The following EXOSC8 variants were observed in gnomAD, a reference collection of about 807,000 sequenced individuals.
EXOSC8 encodes exosome complex component RRP43.
A neutral mutation model predicts 39.9 loss-of-function variants in EXOSC8; 37 were observed. The ratio of observed to expected loss-of-function variants is 0.93; its 90% CI spans 0.71 to 1.22. The LOEUF is 1.22. EXOSC8 is among the 50% of genes most tolerant of loss of function. EXOSC8 has a pLI of 0.00. For synonymous variants in EXOSC8, 93 were observed against 109.5 expected (o/e 0.85, Z 0.94); for missense variants, 313 against 326.6 (o/e 0.96, Z 0.32).
chr13:37,005,146 AGTCAAAGAACT>A (rs894610634), intron 5 of EXOSC8, among the ~76,000 whole-genome samples: 1 of 151,994 alleles, frequency 6.6e-6, no homozygotes, highest in Non-Finnish European at 1.5e-5. Context: ...AATTTTTTTA[AGTCAAAGAACT>A]GTCATTGCAC....
chr13:37,004,225 C>G, intron 4 of EXOSC8: 1 of 274,192 alleles, frequency 3.6e-6, no homozygotes, highest in African/African-American at 2.2e-5. Context: ...GCTCTATCAT[C>G]TGGAGAACAA....
chr13:37,002,537 C>G lies in EXOSC8; in HGVS notation c.104C>G (p.Thr35Arg), dbSNP rs1481881577. 1 of 1,590,528 alleles carries G rather than the reference C, an allele frequency of 6.3e-7. No homozygotes were observed. Residue 35 changes from threonine to arginine, a missense_variant, in exon 3 of 11, where the codon ACA becomes AGA. Transcript: ENST00000389704. Reference protein sequence around the residue: ...DGRELGEFRTTTVNIGSISTA... With the variant: ...DGRELGEFRTRTVNIGSISTA... The stretch of plus-strand genomic sequence containing the variant: ...AGAGAACTTGGTGAATTCAGAACCA[C>G]AACTGTCAACATCGGTAAGGATGTA...
rs753906540 is a variant in EXOSC8 at position 37,009,174 on chromosome 13, A to T, written c.716-10A>T. 6.4e-7 allele frequency: 1 copy of T among 1,563,562 alleles called. No individual in the cohort carries two copies. The highest frequency in any genetic ancestry group is 2.2e-5 in the East Asian group (1 of 44,596). On this transcript the variant is annotated splice_polypyrimidine_tract_variant and intron_variant, in intron 10 of 10. Coordinates refer to ENST00000389704, the MANE Select transcript of EXOSC8 (RefSeq NM_181503.3). ...CTGAGATTAAAAGTATTGGCAAAATAATTTTTCAGGTGGAAGTGGGCTAAC... is the reference window on the plus strand; with the variant it reads ...CTGAGATTAAAAGTATTGGCAAAATTATTTTTCAGGTGGAAGTGGGCTAAC...
In EXOSC8 at chr13:37,009,316, C is replaced by CA. The variant is rs1486954786; in HGVS notation, c.*21dup. On this transcript the variant is annotated 3_prime_UTR_variant, in exon 11 of 11. Transcript: ENST00000389704. ...CCCAAATAAACAGCCACCACATTTT[C>CA]AAAACAGATTTGTAAAAATTGTATT... The CA allele has an allele frequency of 1.4e-6, 2 of 1,401,276 alleles. No individual in the cohort carries two copies. The highest frequency in any genetic ancestry group is 2.3e-5 in the South Asian group (2 of 85,298). 86.8% of individuals were successfully genotyped at this position (1,401,276 alleles called of 1,614,324 possible). A position where few individuals can be genotyped will look rare whatever the true frequency, so the allele number is the denominator to read the frequency against.
chr13:37,006,592 T>G (rs1429981497), intron 7 of EXOSC8, among the ~76,000 whole-genome samples: 1 of 152,150 alleles, frequency 6.6e-6, no homozygotes, highest in Non-Finnish European at 1.5e-5. Flanking sequence ...ACTGATACAT[T>G]AGCACTGTAA....
chr13:37,001,200 G>A (rs910621305), intron 1 of EXOSC8, among the ~76,000 whole-genome samples: 2 of 152,196 alleles, frequency 1.3e-5, no homozygotes, highest in South Asian at 4.1e-4. Flanking sequence ...CCTGACGTCA[G>A]GAGTTCGAGA....
chr13:37,006,364 C>T (rs1324689615), intron 7 of EXOSC8, among the ~76,000 whole-genome samples: 4 of 152,162 alleles, frequency 2.6e-5, no homozygotes, highest in Non-Finnish European at 5.9e-5. Flanking sequence ...GTTTGACTAA[C>T]TTACTGCCTG....
chr13:37,003,330 G>GC, intron 4 of EXOSC8: 1 of 227,118 alleles, frequency 4.4e-6, no homozygotes, highest in Non-Finnish European at 8.6e-6. Context: ...CTGTGTAAAT[G>GC]TGTAGAAAAT....
Position 37,004,185 on chromosome 13 carries a change from T to G in EXOSC8, c.193-331T>G, listed in dbSNP as rs558334873. 16 of 201,444 alleles carry G rather than the reference T, an allele frequency of 7.9e-5. 2 individuals carry two copies. The South Asian group carries it at 2.2e-3, about 28-fold the overall frequency. The allele number at this position is 201,444 out of a possible 1,614,324, so 12.5% of individuals were successfully genotyped here. A position where few individuals can be genotyped will look rare whatever the true frequency, so the allele number is the denominator to read the frequency against. On this transcript the variant is annotated intron_variant, in intron 4 of 10. Coordinates refer to ENST00000389704, the MANE Select transcript of EXOSC8 (RefSeq NM_181503.3). Reference sequence around the variant, plus strand: ...CCGCGCCCAGCTGAGCTTTTGCTCTTTACCACTAAAGCAGCAGTTCCTAAA... The same window carrying G: ...CCGCGCCCAGCTGAGCTTTTGCTCTGTACCACTAAAGCAGCAGTTCCTAAA...
intron 10 of EXOSC8, 113 bp from the exon 11 acceptor site, chr13:37,009,071 G>C: frequency 1.3e-6 from 1 of 747,664 alleles, no homozygotes; most frequent in South Asian, 1.7e-5. Context: ...TCTTGAGACT[G>C]TACCCTGATT....
At chr13:37,005,539 T>C (rs1482796270) in intron 5 of EXOSC8, among the ~76,000 whole-genome samples, 5 of 152,084 alleles carry the variant, frequency 3.3e-5, no homozygotes, top group Admixed American at 2.6e-4. Flanking sequence ...TTACTGTGGA[T>C]TGATAATACC....
At chr13:37,000,999 C>T (rs1040337511) in intron 1 of EXOSC8, among the ~76,000 whole-genome samples, 177 bp downstream of exon 1, 19 of 152,304 alleles carry the variant, frequency 1.2e-4, no homozygotes, top group African/African-American at 3.8e-4. Flanking sequence ...AAAGAAAGGG[C>T]TTCTTCCTCA....
intron 4 of EXOSC8, 48 bp from the exon 5 acceptor site, chr13:37,004,468 A>G (rs762590687): frequency 1.4e-6 from 2 of 1,394,070 alleles, no homozygotes; most frequent in Non-Finnish European, 1.0e-6. Flanking sequence ...TGTCTTCATA[A>G]TTTTTCAGTA....
At chr13:37,001,814 T>C (rs1399111814) in intron 1 of EXOSC8, 1 of 153,276 alleles carries the variant, frequency 6.5e-6, no homozygotes, top group African/African-American at 2.4e-5. Context: ...ACTGCTAATG[T>C]TACTATGGCT....
intron 2 of EXOSC8, 66 bp downstream of exon 2, chr13:37,002,375 G>T: frequency 6.9e-7 from 1 of 1,443,314 alleles, no homozygotes; most frequent in Non-Finnish European, 9.7e-7. Context: ...TGAATTTCAA[G>T]TAATTTAAAT....
rs540222395 is a variant in EXOSC8, at chr13:37,002,840, C to T, written c.119-94C>T. On this transcript the variant is annotated intron_variant, in intron 3 of 10. Coordinates refer to ENST00000389704, the MANE Select transcript of EXOSC8 (RefSeq NM_181503.3). ...TGAGAGGGGTAGCAAGATAATCGTA[C>T]ACAGCAAACTAAAACACTTAATTTT... 3.7e-5 allele frequency: 31 copies of T among 841,590 alleles called. 1 individual carries two copies. The South Asian group carries it at 4.5e-4, about 12-fold the overall frequency. The allele number at this position is 841,590 out of a possible 1,614,324, so 52.1% of individuals were successfully genotyped here.
chr13:37,000,829 G>A lies in EXOSC8; in HGVS notation c.17+7G>A. On this transcript the variant is annotated splice_region_variant and intron_variant, in intron 1 of 10. Coordinates refer to ENST00000389704, the MANE Select transcript of EXOSC8 (RefSeq NM_181503.3). ...AGATGGCGGCTGGGTTCAAGTGAGT[G>A]TTGGCGGGTGGCGGGTAGAGTTCTG... The A allele has an allele frequency of 1.3e-6, 2 of 1,573,008 alleles. No individual in the cohort carries two copies. The highest frequency in any genetic ancestry group is 1.7e-6 in the Non-Finnish European group (2 of 1,159,766).
At chr13:37,003,147 CTA>C (rs2059117438) in intron 4 of EXOSC8, 140 bp downstream of exon 4, 1 of 597,728 alleles carries the variant, frequency 1.7e-6, no homozygotes, top group Non-Finnish European at 3.0e-6. Flanking sequence ...AGAGCTTTCA[CTA>C]TGAGTGTTAG....
At chr13:37,004,391 C>G (rs561554718) in intron 4 of EXOSC8, 125 bp from the exon 5 acceptor site, 1 of 658,352 alleles carries the variant, frequency 1.5e-6, no homozygotes, top group African/African-American at 1.8e-5. Flanking sequence ...CACCAATGTC[C>G]GTAGAGGCCC....
Sources: gnomAD v4.1 joint callset for allele counts (sites outside exome capture counted in the v4.1 genomes callset) on GRCh38, gnomAD v4.1.1 for gene constraint, MANE v1.5 for transcripts, NCBI Gene and HGNC (gene_info 2026-07-23, HGNC 2026-07-21) for gene names.